Variants in SLC8A3 observed in about 807,000 individuals in gnomAD.
The protein encoded by SLC8A3 is solute carrier family 8 member A3, also known as sodium/calcium exchanger 3.
In SLC8A3, 37 loss-of-function variants were observed where a neutral mutation model predicts 65.4. The observed-to-expected ratio is 0.57, with a 90% confidence interval of 0.44 to 0.74. SLC8A3 has a LOEUF of 0.74. Ranked by LOEUF, SLC8A3 falls within the 30% of genes least tolerant of loss-of-function variation. The pLI is 0.00. For missense variants in SLC8A3, 1,112 were observed against 1,172.1 expected, an observed-to-expected ratio of 0.95 and a Z score of 0.75; for synonymous variants, 461 against 444.5, an observed-to-expected ratio of 1.04 and a Z score of -0.47.
intron 1 of SLC8A3, among the ~76,000 whole-genome samples, chr14:70,172,158 C>G (rs1376715935): frequency 1.3e-5 from 2 of 151,922 alleles, no homozygotes; most frequent in Non-Finnish European, 2.9e-5. Flanking sequence ...TTTTCCCCCA[C>G]CCAGGACCAC....
At chr14:70,087,129 T>G (rs146603126) in intron 2 of SLC8A3, among the ~76,000 whole-genome samples, 41 of 152,342 alleles carry the variant, frequency 2.7e-4, no homozygotes, top group African/African-American at 9.1e-4. Flanking sequence ...AGTTTTAAAA[T>G]TGCTACAATT....
chr14:70,113,595 G>C (rs946240123), intron 2 of SLC8A3, among the ~76,000 whole-genome samples: 2 of 152,114 alleles, frequency 1.3e-5, no homozygotes, highest in African/African-American at 4.8e-5. Context: ...TTGTATTCCA[G>C]AAGATGCTAT....
At chr14:70,169,756 T>A (rs1322338124) in intron 1 of SLC8A3, among the ~76,000 whole-genome samples, 2 of 150,132 alleles carry the variant, frequency 1.3e-5, no homozygotes, top group Non-Finnish European at 1.5e-5. Context: ...AATAAAGGAA[T>A]GCTGATTTGT....
At chr14:70,161,063 T>C (rs1419751845) in intron 2 of SLC8A3, among the ~76,000 whole-genome samples, 1 of 148,352 alleles carries the variant, frequency 6.7e-6, no homozygotes, top group Non-Finnish European at 1.5e-5. Context: ...GCTAACATGG[T>C]GAAACCCCAT....
At chr14:70,179,953 G>A (rs1882592122) in intron 1 of SLC8A3, among the ~76,000 whole-genome samples, 1 of 152,314 alleles carries the variant, frequency 6.6e-6, no homozygotes, top group Admixed American at 6.5e-5. Flanking sequence ...TCTCCTTTCA[G>A]CAGGCTGAAG....
At chr14:70,052,561 A>G (rs538928398) in intron 3 of SLC8A3, among the ~76,000 whole-genome samples, 1 of 152,224 alleles carries the variant, frequency 6.6e-6, no homozygotes, top group South Asian at 2.1e-4. Context: ...GTTTCACAGC[A>G]TCTTGACTCA....
chr14:70,164,056 G>A (rs879655231), intron 2 of SLC8A3, among the ~76,000 whole-genome samples: 8 of 152,062 alleles, frequency 5.3e-5, no homozygotes, highest in Middle Eastern at 3.2e-3. Flanking sequence ...TTGTTAATTC[G>A]TCAATATTAC....
chr14:70,125,946 A>T (rs568712391), intron 2 of SLC8A3, among the ~76,000 whole-genome samples: 1 of 152,230 alleles, frequency 6.6e-6, no homozygotes, highest in East Asian at 1.9e-4. Flanking sequence ...CTGTATGATC[A>T]TGAACAAATC....
rs1202594729 is a variant in SLC8A3, at chr14:70,046,122, A to G, written c.2591T>C (p.Ile864Thr). 1 of 1,614,156 alleles carries G rather than the reference A, an allele frequency of 6.2e-7. No homozygotes were observed. The highest frequency in any genetic ancestry group is 1.1e-5 in the South Asian group (1 of 91,078). The change falls in exon 7 of 7, where the codon ATC (isoleucine) becomes ACC (threonine). Residue 864 changes from isoleucine to threonine, a missense_variant. Ile to Thr is a moderately conservative substitution (Grantham distance 89). Coordinates refer to ENST00000356921, the MANE Select transcript of SLC8A3 (RefSeq NM_182932.3). This position sits in a 1 kb window ranked among gnomAD's most constrained non-coding sequence, Gnocchi z 4.2. ...TLAFSVTLFT[I>T]FAFVCISVLL... ...CACGCTGATGCAGACAAATGCAAAG[A>G]TGGTGAAGAGGGTGACGGAGAAGGC... is the stretch of plus-strand genomic sequence containing the variant.
At chr14:70,147,656 G>A (rs756858496) in intron 2 of SLC8A3, among the ~76,000 whole-genome samples, 10 of 152,096 alleles carry the variant, frequency 6.6e-5, no homozygotes, top group Admixed American at 2.0e-4. Context: ...CTCTCTCCCC[G>A]TGTCCTTGAA....
At chr14:70,141,636 T>C (rs1895584696) in intron 2 of SLC8A3, among the ~76,000 whole-genome samples, 1 of 152,188 alleles carries the variant, frequency 6.6e-6, no homozygotes, top group Non-Finnish European at 1.5e-5. Context: ...CATGGGTCCC[T>C]CTTCAACCTC....
chr14:70,159,517 C>G (rs1030526156), intron 2 of SLC8A3, among the ~76,000 whole-genome samples: 1 of 151,952 alleles, frequency 6.6e-6, no homozygotes, highest in Non-Finnish European at 1.5e-5. Context: ...CTGGAGTTGA[C>G]AGGGCCTAGC....
intron 2 of SLC8A3, chr14:70,063,772 A>G (rs771395860): frequency 3.0e-6 from 3 of 1,000,140 alleles, no homozygotes; most frequent in Non-Finnish European, 4.7e-6. Context: ...AGGAAGAAAC[A>G]GAAGAGGAGA....
intron 2 of SLC8A3, among the ~76,000 whole-genome samples, chr14:70,132,487 C>T (rs540280339): frequency 9.9e-5 from 15 of 152,216 alleles, no homozygotes; most frequent in Admixed American, 2.6e-4. Flanking sequence ...TGAGGTGTTC[C>T]GACCTCCAGC....
intron 2 of SLC8A3, among the ~76,000 whole-genome samples, chr14:70,093,205 T>C (rs1003498550): frequency 2.6e-5 from 4 of 152,250 alleles, no homozygotes; most frequent in African/African-American, 9.6e-5. Flanking sequence ...TGCAGAAGTG[T>C]TGGCTATTTC....
intron 2 of SLC8A3, among the ~76,000 whole-genome samples, chr14:70,062,118 G>A (rs1203113393): frequency 3.1e-4 from 4 of 13,102 alleles, no homozygotes; most frequent in Non-Finnish European, 5.9e-4. Flanking sequence ...GGCGGGGGGC[G>A]GGGGGGAGAT....
intron 2 of SLC8A3, among the ~76,000 whole-genome samples, chr14:70,107,017 C>A (rs1892920480): frequency 6.6e-6 from 1 of 152,138 alleles, no homozygotes; most frequent in Admixed American, 6.5e-5. Flanking sequence ...GCACAGGTTA[C>A]AAGTTCAGGA....
At chr14:70,093,046 C>T (rs1012192057) in intron 2 of SLC8A3, among the ~76,000 whole-genome samples, 3 of 152,174 alleles carry the variant, frequency 2.0e-5, no homozygotes, top group African/African-American at 7.2e-5. Context: ...AATGTGGAAT[C>T]AGGAATTGAG....
chr14:70,167,739 C>T lies in SLC8A3; in HGVS notation c.684G>A (p.Val228=), dbSNP rs1897263715. The T allele has an allele frequency of 6.2e-7, 1 of 1,614,138 alleles. No individual in the cohort carries two copies. The highest frequency in any genetic ancestry group is 8.5e-7 in the Non-Finnish European group (1 of 1,180,014). Residue 228 remains valine (V), a synonymous_variant, in exon 2 of 7, where the codon GTG becomes GTA. Coordinates refer to ENST00000356921, the MANE Select transcript of SLC8A3 (RefSeq NM_182932.3). The stretch of plus-strand genomic sequence containing the variant: ...TGAGGAGGCCTTCCCAAACCTGGAC[C>T]ACACCAGGGGAGAAGACTGCCAGAA... ...YMILAVFSPG[V]VQVWEGLLTL... is the part of the protein sequence containing the mutation.
Sources: gnomAD v4.1 joint callset for allele counts (sites outside exome capture counted in the v4.1 genomes callset) on GRCh38, gnomAD v4.1.1 for gene constraint, Gnocchi (gnomAD v3.1) non-coding constraint, MANE v1.5 for transcripts, NCBI Gene and HGNC (gene_info 2026-07-23, HGNC 2026-07-21) for gene names.